CSE1L: variants seen among roughly 807,000 people sequenced by gnomAD.
The protein encoded by CSE1L is chromosome segregation 1 like, also known as exportin-2.
CSE1L carries 24 observed loss-of-function variants against 120.4 expected under a neutral mutation model. That is an observed-to-expected ratio of 0.20 (90% confidence interval 0.14 to 0.28). The LOEUF is 0.28. Among genes scored for constraint, CSE1L ranks in the 10% least tolerant of loss-of-function variants. The pLI is 1.00. For missense variants in CSE1L, 830 were observed against 1,145.2 expected (o/e 0.72, Z 3.97); for synonymous variants, 402 against 398.3 (o/e 1.01, Z -0.11).
At chr20:49,074,347 A>C (rs1216865636) in intron 10 of CSE1L, among the ~76,000 whole-genome samples, 1 of 151,626 alleles carries the variant, frequency 6.6e-6, no homozygotes, top group Non-Finnish European at 1.5e-5. Context: ...GCTAGGTTAC[A>C]CGCGTGAGCC....
chr20:49,053,158 T>C (rs1346052523), intron 1 of CSE1L, among the ~76,000 whole-genome samples: 26 of 118,492 alleles, frequency 2.2e-4, no homozygotes, highest in East Asian at 9.9e-4. Flanking sequence ...TTTTTTTTTT[T>C]TTTTTTTTTT....
At position 49,074,838 on chromosome 20, in the gene CSE1L, T is replaced by G. The variant is rs1313352600; in HGVS notation, c.1120T>G (p.Leu374Val). Residue 374 changes from leucine to valine, a missense_variant, in exon 11 of 25, where the codon TTG becomes GTG. This residue lies in a region of CSE1L where 543 missense variants were observed against 640.2 expected (regional missense o/e 0.85). Coordinates refer to ENST00000262982, the MANE Select transcript of CSE1L (RefSeq NM_001316.4). ...DNSEEYIRRDLEGSDIDTRRR... is the reference protein window; with the variant it reads ...DNSEEYIRRDVEGSDIDTRRR... ...TTCTGAGGAGTACATAAGGAGAGAT[T>G]TGGAAGGATCTGGTGTGTATCTTGG... The G allele has an allele frequency of 6.2e-7, 1 of 1,612,668 alleles. No individual in the cohort carries two copies. Among genetic ancestry groups the G allele is most frequent in the Admixed American group, 1.7e-5 (1 of 59,690 alleles).
chr20:49,064,825 A>G (rs2091878645), intron 3 of CSE1L, among the ~76,000 whole-genome samples: 1 of 150,792 alleles, frequency 6.6e-6, no homozygotes, highest in Non-Finnish European at 1.5e-5. Flanking sequence ...TGGGTGATAT[A>G]ATCTAGGATG....
At chr20:49,072,254 T>A (rs771936427) in intron 8 of CSE1L, 32 bp from the exon 9 acceptor site, 1 of 1,608,050 alleles carries the variant, frequency 6.2e-7, no homozygotes. Flanking sequence ...ATTAGAGTTG[T>A]ATGTTGGAGT....
In CSE1L at chr20:49,094,801, A is replaced by G. The variant is rs568330253; in HGVS notation, c.2664A>G (p.Glu888=). 1.2e-6 allele frequency: 2 copies of G among 1,614,058 alleles called. No individual in the cohort carries two copies. The highest frequency in any genetic ancestry group is 2.2e-5 in the East Asian group (1 of 44,882). ...AAGATGATACCATTCCTGATGAGGA[A>G]CATTTTATTGACATAGAAGATACAC... ...LPEDDTIPDE[E]HFIDIEDTPG... The change falls in exon 24 of 25, where the codon GAA becomes GAG. Residue 888 remains glutamate (E), a synonymous_variant. Coordinates refer to ENST00000262982, the MANE Select transcript of CSE1L (RefSeq NM_001316.4).
At chr20:49,068,974 A>G (rs1405655309) in intron 7 of CSE1L, 152 bp downstream of exon 7, 5 of 607,060 alleles carry the variant, frequency 8.2e-6, no homozygotes, top group South Asian at 2.0e-5. Flanking sequence ...TCTGTTCTAC[A>G]GTAGTTCTTT....
chr20:49,078,256 A>G (rs2091984120), intron 13 of CSE1L, among the ~76,000 whole-genome samples: 1 of 152,140 alleles, frequency 6.6e-6, no homozygotes, highest in Non-Finnish European at 1.5e-5. Flanking sequence ...CTAGAGAGAC[A>G]TGTTTCTAAT....
chr20:49,077,151 T>TTC, intron 13 of CSE1L, 87 bp downstream of exon 13: 2 of 674,100 alleles, frequency 3.0e-6, no homozygotes, highest in East Asian at 6.0e-5. Context: ...TTCCCTTTTG[T>TTC]TCTTTTTTTT....
rs75670186 is a variant in CSE1L at position 49,058,140 on chromosome 20, A to G, written c.-11-313A>G. ...TCTTAACCTTTATTAGCCCTTTCCC[A>G]TAGCATTAAATCATATAAACTTCTT... On this transcript the variant is annotated intron_variant, in intron 1 of 24. Transcript: ENST00000262982. Among the ~76,000 whole-genome samples, 80 of 151,954 alleles carry G rather than the reference A, an allele frequency of 5.3e-4. 1 individual carries two copies. The East Asian group carries it at 0.015, about 29-fold the overall frequency.
chr20:49,074,090 G>C (rs1396386688), intron 10 of CSE1L, among the ~76,000 whole-genome samples: 1 of 151,820 alleles, frequency 6.6e-6, no homozygotes, highest in Non-Finnish European at 1.5e-5. Context: ...ATGGGCCTGT[G>C]GTCCCAGGTA....
At chr20:49,091,677 A>C (rs1453855502) in intron 21 of CSE1L, among the ~76,000 whole-genome samples, 1 of 152,186 alleles carries the variant, frequency 6.6e-6, no homozygotes, top group African/African-American at 2.4e-5. Context: ...AGCTGTGATC[A>C]CGCTCCTGCA....
chr20:49,065,313 ATTTTTTTTTTTT>A (rs376073464), intron 3 of CSE1L, among the ~76,000 whole-genome samples: 3 of 52,080 alleles, frequency 5.8e-5, no homozygotes, highest in African/African-American at 1.9e-4. Flanking sequence ...TGAAAAAAAA[ATTTTTTTTTTTT>A]TTTTTTTTTT....
intron 24 of CSE1L, 113 bp from the exon 25 acceptor site, chr20:49,096,236 T>C (rs1244153620): frequency 1.2e-6 from 1 of 833,038 alleles, no homozygotes; most frequent in Non-Finnish European, 2.1e-6. Flanking sequence ...TGGTGATTAA[T>C]GACTTGACTG....
chr20:49,080,626 A>G (rs1376045431), intron 14 of CSE1L, among the ~76,000 whole-genome samples: 2 of 151,570 alleles, frequency 1.3e-5, no homozygotes, highest in African/African-American at 2.4e-5. Flanking sequence ...ACAAGCATCC[A>G]CCACCACGCC....
chr20:49,094,067 C>A, intron 22 of CSE1L, 73 bp from the exon 23 acceptor site: 1 of 910,886 alleles, frequency 1.1e-6, no homozygotes, highest in Non-Finnish European at 1.6e-6. Context: ...TAAGAAGTAA[C>A]TAACATCTAA....
intron 24 of CSE1L, 97 bp downstream of exon 24, chr20:49,095,060 G>A (rs544544444): frequency 8.8e-6 from 8 of 908,726 alleles, no homozygotes; most frequent in African/African-American, 3.3e-5. Flanking sequence ...ATTGGTGGGC[G>A]TAATAAAACT....
chr20:49,064,374 T>C (rs1363174156), intron 3 of CSE1L, among the ~76,000 whole-genome samples: 1 of 152,224 alleles, frequency 6.6e-6, no homozygotes, highest in Admixed American at 6.5e-5. Flanking sequence ...TAAATATTGT[T>C]TTAAGCCTGT....
intron 3 of CSE1L, among the ~76,000 whole-genome samples, 161 bp downstream of exon 3, chr20:49,063,505 A>G (rs2091868299): frequency 1.3e-5 from 2 of 152,202 alleles, no homozygotes; most frequent in Non-Finnish European, 2.9e-5. Context: ...GCAGTGAGCT[A>G]TGATTGCACC....
In CSE1L at chr20:49,074,680, C is replaced by A. The variant is rs866448633; in HGVS notation, c.1067-105C>A. Reference sequence around the variant, plus strand: ...AGTAGTCATCTGATGGGAACGAATTCTTTGCTGTAGAACAAGGCAGTTTTA... The same window carrying A: ...AGTAGTCATCTGATGGGAACGAATTATTTGCTGTAGAACAAGGCAGTTTTA... On this transcript the variant is annotated intron_variant, in intron 10 of 24. Coordinates refer to ENST00000262982, the MANE Select transcript of CSE1L (RefSeq NM_001316.4). The A allele has an allele frequency of 5.0e-6, 4 of 802,876 alleles. No homozygotes were observed. In the Middle Eastern group the frequency reaches 7.1e-4, roughly 143 times the overall value. The allele number at this position is 802,876 out of a possible 1,614,324, so 49.7% of individuals were successfully genotyped here.
Sources: allele counts gnomAD v4.1 joint callset (sites outside exome capture counted in the v4.1 genomes callset), GRCh38; gene constraint gnomAD v4.1.1; regional missense constraint gnomAD v4.1.1; transcripts MANE v1.5; gene names NCBI Gene and HGNC (gene_info 2026-07-23, HGNC 2026-07-21).